Variants in MLLT3 observed in about 807,000 individuals in gnomAD.
The protein encoded by MLLT3 is MLLT3 super elongation complex subunit.
In MLLT3, 4 loss-of-function variants were observed where a neutral mutation model predicts 53.2. That is an observed-to-expected ratio of 0.08 (90% confidence interval 0.04 to 0.17). The LOEUF (loss-of-function observed/expected upper bound fraction) is 0.17. Ranked by LOEUF, MLLT3 falls within the 10% of genes least tolerant of loss-of-function variation. The pLI, the probability that MLLT3 is intolerant of heterozygous loss-of-function variation, is 1.00. For missense variants in MLLT3, 569 were observed against 684.0 expected, an observed-to-expected ratio of 0.83 and a Z score of 1.87; for synonymous variants, 283 against 230.6, an observed-to-expected ratio of 1.23 and a Z score of -2.06.
intron 2 of MLLT3, among the ~76,000 whole-genome samples, chr9:20,518,966 T>C (rs1398434542): frequency 6.6e-6 from 1 of 152,220 alleles, no homozygotes; most frequent in African/African-American, 2.4e-5. Flanking sequence ...CTCTTTAAAT[T>C]AACTAATGCT....
chr9:20,376,177 G>C (rs566901127), intron 5 of MLLT3, among the ~76,000 whole-genome samples: 3 of 152,118 alleles, frequency 2.0e-5, no homozygotes, highest in Non-Finnish European at 4.4e-5. Context: ...GGACACTAGA[G>C]TGCAACCTTT....
intron 10 of MLLT3, among the ~76,000 whole-genome samples, chr9:20,348,347 C>G (rs968833457): frequency 6.6e-6 from 1 of 152,188 alleles, no homozygotes; most frequent in Non-Finnish European, 1.5e-5. Context: ...TTTGTCAGAA[C>G]TCACTGTTTT....
chr9:20,611,111 A>G (rs1479659162), intron 2 of MLLT3, among the ~76,000 whole-genome samples: 1 of 152,162 alleles, frequency 6.6e-6, no homozygotes, highest in Non-Finnish European at 1.5e-5. Flanking sequence ...TTTGTGGTAA[A>G]GGGTAAAGAT....
intron 2 of MLLT3, among the ~76,000 whole-genome samples, chr9:20,462,797 T>C (rs1824143797): frequency 1.3e-5 from 2 of 152,136 alleles, no homozygotes; most frequent in Admixed American, 6.6e-5. Context: ...CCATCATTTA[T>C]GAAATTGAGT....
chr9:20,515,647 T>C (rs768919231), intron 2 of MLLT3, among the ~76,000 whole-genome samples: 3 of 152,174 alleles, frequency 2.0e-5, no homozygotes, highest in Non-Finnish European at 2.9e-5. Flanking sequence ...TCTTTTAGAA[T>C]GGCCAGGCAG....
At chr9:20,381,820 A>G (rs1249444067) in intron 5 of MLLT3, among the ~76,000 whole-genome samples, 2 of 151,954 alleles carry the variant, frequency 1.3e-5, no homozygotes, top group Non-Finnish European at 3.0e-5. Context: ...TCAATGTATG[A>G]TAAGCTATAT....
rs573395998 is a variant in MLLT3, at chr9:20,407,523, T to C, written c.1125+6198A>G. 6.6e-5 allele frequency among the ~76,000 whole-genome samples: 10 copies of C among 152,262 alleles called. No homozygotes were observed. The South Asian group carries it at 2.1e-3, about 32-fold the overall frequency. On this transcript the variant is annotated intron_variant, in intron 5 of 10. Coordinates refer to ENST00000380338, the MANE Select transcript of MLLT3 (RefSeq NM_004529.4). Reference sequence around the variant, plus strand: ...ATAGGTCAAAGAAACAGGATTCATATGGGGGACAACATGAGATATTCAAGG... The same window carrying C: ...ATAGGTCAAAGAAACAGGATTCATACGGGGGACAACATGAGATATTCAAGG...
intron 5 of MLLT3, among the ~76,000 whole-genome samples, chr9:20,385,240 A>G (rs1822005461): frequency 6.6e-6 from 1 of 152,142 alleles, no homozygotes; most frequent in Non-Finnish European, 1.5e-5. Flanking sequence ...ATAATTAGTC[A>G]CGTTCTGATA....
At chr9:20,550,331 TTCAC>T (rs1818895791) in intron 2 of MLLT3, among the ~76,000 whole-genome samples, 2 of 152,196 alleles carry the variant, frequency 1.3e-5, no homozygotes, top group African/African-American at 4.8e-5. Flanking sequence ...AGATGTGTAT[TTCAC>T]CCTGGCTTTC....
At chr9:20,576,762 C>T (rs1187487607) in intron 2 of MLLT3, among the ~76,000 whole-genome samples, 1 of 152,002 alleles carries the variant, frequency 6.6e-6, no homozygotes, top group Non-Finnish European at 1.5e-5. Flanking sequence ...GACACAGAGA[C>T]ATAAAGTGAA....
At chr9:20,503,205 G>A (rs750847738) in intron 2 of MLLT3, among the ~76,000 whole-genome samples, 2 of 152,064 alleles carry the variant, frequency 1.3e-5, no homozygotes, top group Non-Finnish European at 2.9e-5. Flanking sequence ...CCTAAAATTT[G>A]TATGGAACCA....
At chr9:20,517,252 T>C (rs1817938276) in intron 2 of MLLT3, among the ~76,000 whole-genome samples, 1 of 152,116 alleles carries the variant, frequency 6.6e-6, no homozygotes, top group Admixed American at 6.5e-5. Context: ...AGTTTCTACC[T>C]ACTGTAGAGG....
In MLLT3 at chr9:20,343,681, CCATATTCACAT is replaced by C. The variant is rs1183028659; in HGVS notation, c.*2751_*2761del. On this transcript the variant is annotated 3_prime_UTR_variant, in exon 11 of 11. Coordinates refer to ENST00000380338, the MANE Select transcript of MLLT3 (RefSeq NM_004529.4). ...TTTATCATACTCTGGCTGGTTCAAACCATATTCACATTTACCCAATTAATTTTATTTGAAAC... is the reference window on the plus strand; with the variant it reads ...TTTATCATACTCTGGCTGGTTCAAACTTACCCAATTAATTTTATTTGAAAC... The C allele has an allele frequency of 4.5e-6, 1 of 224,156 alleles. No homozygotes were observed. Among genetic ancestry groups the C allele is most frequent in the African/African-American group, 2.2e-5 (1 of 44,762 alleles). 13.9% of individuals were successfully genotyped at this position (224,156 alleles called of 1,614,324 possible). A position where few individuals can be genotyped will look rare whatever the true frequency, so the allele number is the denominator to read the frequency against.
At position 20,428,045 on chromosome 9, in the gene MLLT3, G is replaced by A. The variant is rs1025102841; in HGVS notation, c.421-13620C>T. Among the ~76,000 whole-genome samples, 3 of 151,822 alleles carry A rather than the reference G, an allele frequency of 2.0e-5. No individual in the cohort carries two copies. In the South Asian group the frequency reaches 6.2e-4, roughly 31 times the overall value. ...AACTTTGCAATAACTGATATAATAC[G>A]GTGAGAGTATTTCCACCACACAAAT... On this transcript the variant is annotated intron_variant, in intron 4 of 10. Coordinates refer to ENST00000380338, the MANE Select transcript of MLLT3 (RefSeq NM_004529.4).
intron 2 of MLLT3, among the ~76,000 whole-genome samples, chr9:20,516,553 T>C (rs913584272): frequency 6.6e-6 from 1 of 152,364 alleles, no homozygotes; most frequent in East Asian, 1.9e-4. Context: ...CACATAATAC[T>C]ATAAAGTTTA....
At position 20,567,901 on chromosome 9, in the gene MLLT3, T is replaced by C. The variant is rs374055187; in HGVS notation, c.193+52753A>G. The stretch of plus-strand genomic sequence containing the variant: ...GGCCCATGTTTCAAGAACTCTTCTC[T>C]CTTACCCTCCACCCCACTCACCAAA... On this transcript the variant is annotated intron_variant, in intron 2 of 10. Coordinates refer to ENST00000380338, the MANE Select transcript of MLLT3 (RefSeq NM_004529.4). Among the ~76,000 whole-genome samples the C allele has an allele frequency of 1.3e-4, 20 of 152,246 alleles. No individual in the cohort carries two copies. The South Asian group carries it at 4.1e-3, about 32-fold the overall frequency.
chr9:20,569,944 G>A (rs974119988), intron 2 of MLLT3, among the ~76,000 whole-genome samples: 1 of 152,038 alleles, frequency 6.6e-6, no homozygotes. Flanking sequence ...AAAATGAACC[G>A]TTGGCTCCTC....
rs186675506 is a variant in MLLT3, at chr9:20,394,167, G to A, written c.1125+19554C>T. On this transcript the variant is annotated intron_variant, in intron 5 of 10. Coordinates refer to ENST00000380338, the MANE Select transcript of MLLT3 (RefSeq NM_004529.4). ...ATTCTCATATAGGCTTCTGGATGCA[G>A]GCTGAGACACCAAACACAGACACCC... Among the ~76,000 whole-genome samples the A allele has an allele frequency of 5.3e-5, 8 of 152,214 alleles. No individual in the cohort carries two copies. In the East Asian group the frequency reaches 1.5e-3, roughly 29 times the overall value.
At chr9:20,461,155 C>G (rs1031182745) in intron 2 of MLLT3, among the ~76,000 whole-genome samples, 1 of 152,144 alleles carries the variant, frequency 6.6e-6, no homozygotes, top group Non-Finnish European at 1.5e-5. Flanking sequence ...AATGAAAATT[C>G]ATGCCTGAGA....
Sources: allele counts gnomAD v4.1 joint callset (sites outside exome capture counted in the v4.1 genomes callset), GRCh38; gene constraint gnomAD v4.1.1; transcripts MANE v1.5; gene names NCBI Gene and HGNC (gene_info 2026-07-23, HGNC 2026-07-21).